The following COA1 variants were observed in gnomAD, a reference collection of about 807,000 sequenced individuals.
COA1 encodes the protein cytochrome c oxidase assembly factor 1 homolog.
Under a neutral mutation model 16.0 loss-of-function variants are expected in COA1, and 13 were observed. The observed-to-expected ratio is 0.81, with a 90% CI of 0.53 to 1.29. COA1 has a LOEUF of 1.29. Among genes scored for constraint, COA1 ranks in the 50% most tolerant of loss-of-function variants. The pLI is 0.00. For synonymous variants in COA1, 65 were observed against 65.7 expected, an observed-to-expected ratio of 0.99 and a Z score of 0.05; for missense variants, 179 against 177.0, an observed-to-expected ratio of 1.01 and a Z score of -0.06.
intron 1 of COA1, among the ~76,000 whole-genome samples, chr7:43,673,774 A>C (rs1040652509): frequency 6.6e-6 from 1 of 152,258 alleles, no homozygotes; most frequent in Admixed American, 6.5e-5. Context: ...ATGGATAAAG[A>C]AAATGTGGTA....
At chr7:43,610,277 G>A (rs1393448953) in intron 6 of COA1, among the ~76,000 whole-genome samples, 1 of 150,622 alleles carries the variant, frequency 6.6e-6, no homozygotes, top group African/African-American at 2.4e-5. Flanking sequence ...AACCCAGGAG[G>A]TGGAGCTTGC....
At chr7:43,624,744 C>A in intron 6 of COA1, 1 of 1,613,884 alleles carries the variant, frequency 6.2e-7, no homozygotes, top group Non-Finnish European at 8.5e-7. Context: ...ACAATGCAGA[C>A]AGTCTGAAAA....
intron 4 of COA1, among the ~76,000 whole-genome samples, chr7:43,644,701 ATAGATAGAT>A (rs1157748825): frequency 2.7e-5 from 2 of 75,154 alleles, no homozygotes; most frequent in Admixed American, 1.2e-4. Context: ...TAAATTATAG[ATAGATAGAT>A]TAGATAGATA....
intron 1 of COA1, among the ~76,000 whole-genome samples, chr7:43,723,414 T>G (rs143079721): frequency 5.3e-5 from 8 of 152,128 alleles, no homozygotes; most frequent in Non-Finnish European, 8.8e-5. Flanking sequence ...ACTAATGACA[T>G]GGTTATATTT....
At chr7:43,703,906 C>A (rs749541984) in intron 1 of COA1, among the ~76,000 whole-genome samples, 26 of 152,108 alleles carry the variant, frequency 1.7e-4, no homozygotes, top group Admixed American at 3.9e-4. Flanking sequence ...AATATACTTG[C>A]TTTATTGTGT....
At chr7:43,700,163 G>A (rs1392919988) in intron 1 of COA1, among the ~76,000 whole-genome samples, 3 of 151,862 alleles carry the variant, frequency 2.0e-5, no homozygotes, top group Admixed American at 6.6e-5. Flanking sequence ...ACCATCTAGT[G>A]GCAAATCTAT....
chr7:43,690,761 A>T (rs1204160539), intron 1 of COA1, among the ~76,000 whole-genome samples: 1 of 152,216 alleles, frequency 6.6e-6, no homozygotes, highest in Non-Finnish European at 1.5e-5. Flanking sequence ...TAATGAATAA[A>T]GGGGGAAAAA....
intron 5 of COA1, 149 bp downstream of exon 5, chr7:43,640,424 C>T (rs2086756076): frequency 3.0e-6 from 2 of 666,750 alleles, no homozygotes; most frequent in South Asian, 1.8e-5. Context: ...TGGCTTGCTG[C>T]CCAGGCCACG....
intron 1 of COA1, among the ~76,000 whole-genome samples, chr7:43,681,670 G>C (rs2093775310): frequency 6.6e-6 from 1 of 152,194 alleles, no homozygotes; most frequent in Non-Finnish European, 1.5e-5. Context: ...TAGGTTTTAA[G>C]TGTACAGGCT....
At chr7:43,661,421 G>A (rs1424923934) in intron 1 of COA1, among the ~76,000 whole-genome samples, 1 of 152,208 alleles carries the variant, frequency 6.6e-6, no homozygotes, top group Non-Finnish European at 1.5e-5. Context: ...CGGATCACAG[G>A]TCAGGAAATC....
At chr7:43,726,319 C>T (rs2095616454) in intron 1 of COA1, among the ~76,000 whole-genome samples, 1 of 152,142 alleles carries the variant, frequency 6.6e-6, no homozygotes, top group Non-Finnish European at 1.5e-5. Flanking sequence ...TAACTGGGAA[C>T]TACTATGTCA....
At chr7:43,669,489 C>T (rs1449228597) in intron 1 of COA1, among the ~76,000 whole-genome samples, 2 of 152,094 alleles carry the variant, frequency 1.3e-5, no homozygotes, top group Non-Finnish European at 2.9e-5. Context: ...AGCATCATGG[C>T]ACCCTGCATT....
chr7:43,621,599 C>T (rs1351073931), intron 6 of COA1, among the ~76,000 whole-genome samples: 1 of 152,158 alleles, frequency 6.6e-6, no homozygotes, highest in East Asian at 1.9e-4. Flanking sequence ...TCCCGAGTAG[C>T]TGGGACCACA....
intron 1 of COA1, among the ~76,000 whole-genome samples, chr7:43,715,001 T>C (rs1472358984): frequency 1.1e-5 from 1 of 95,192 alleles, no homozygotes; most frequent in Non-Finnish European, 1.9e-5. Flanking sequence ...AGTGAGCCTC[T>C]TGTCTAAAAA....
intron 1 of COA1, among the ~76,000 whole-genome samples, chr7:43,715,809 C>T (rs2095380252): frequency 6.6e-6 from 1 of 152,176 alleles, no homozygotes; most frequent in South Asian, 2.1e-4. Flanking sequence ...CCACTCAAAT[C>T]TCATCCTGAA....
intron 1 of COA1, among the ~76,000 whole-genome samples, chr7:43,715,953 T>C (rs979487275): frequency 6.6e-6 from 1 of 152,156 alleles, no homozygotes; most frequent in African/African-American, 2.4e-5. Flanking sequence ...TTTTGCATCC[T>C]CCTCATTCTC....
intron 1 of COA1, among the ~76,000 whole-genome samples, chr7:43,727,770 T>A (rs993445780): frequency 2.6e-5 from 4 of 152,176 alleles, no homozygotes; most frequent in Admixed American, 6.5e-5. Flanking sequence ...GTGATGAAAA[T>A]GTTCAATTGT....
intron 1 of COA1, among the ~76,000 whole-genome samples, chr7:43,713,343 C>T (rs2095308524): frequency 1.3e-5 from 2 of 152,160 alleles, no homozygotes; most frequent in South Asian, 4.1e-4. Context: ...GGTAAGAACA[C>T]TCAAAAGCCT....
chr7:43,701,275 C>T (rs1279972995), intron 1 of COA1, among the ~76,000 whole-genome samples: 1 of 152,112 alleles, frequency 6.6e-6, no homozygotes, highest in African/African-American at 2.4e-5. Flanking sequence ...ATCCTCAAAT[C>T]CTCCATCAAC....
Sources: allele counts gnomAD v4.1 joint callset (sites outside exome capture counted in the v4.1 genomes callset), GRCh38; gene constraint gnomAD v4.1.1; transcripts MANE v1.5; gene names NCBI Gene and HGNC (gene_info 2026-07-23, HGNC 2026-07-21).